Variants in SCN10A observed in about 807,000 individuals in gnomAD.
The protein encoded by SCN10A is sodium channel protein type 10 subunit alpha.
Under a neutral mutation model 170.7 loss-of-function variants are expected in SCN10A, and 162 were observed. The ratio of observed to expected loss-of-function variants is 0.95; its 90% confidence interval spans 0.84 to 1.08. The LOEUF (loss-of-function observed/expected upper bound fraction) is 1.08, where lower values mean the gene tolerates loss of function less well. Ranked by LOEUF, SCN10A falls within the 50% of genes least tolerant of loss-of-function variation. The pLI is 0.00. For missense variants in SCN10A, 2,527 were observed against 2,436.9 expected (o/e 1.04, Z -0.78); for synonymous variants, 985 against 904.6 (o/e 1.09, Z -1.59).
chr3:38,777,362 G>A (rs575598081), intron 4 of SCN10A, among the ~76,000 whole-genome samples: 1 of 151,980 alleles, frequency 6.6e-6, no homozygotes, highest in African/African-American at 2.4e-5. Context: ...AGACAGTTTA[G>A]CAATAATAAG....
intron 8 of SCN10A, 71 bp downstream of exon 8, chr3:38,760,610 A>T: frequency 8.1e-7 from 1 of 1,235,750 alleles, no homozygotes; most frequent in Non-Finnish European, 1.2e-6. Flanking sequence ...ATCTGTGCCC[A>T]TAATATGCCA....
At chr3:38,773,038 A>T (rs1221094272) in intron 4 of SCN10A, among the ~76,000 whole-genome samples, 3 of 152,236 alleles carry the variant, frequency 2.0e-5, no homozygotes, top group Non-Finnish European at 4.4e-5. Flanking sequence ...GAAAGAAATT[A>T]GAAGACAATG....
At chr3:38,748,128 T>C (rs1180550156) in intron 13 of SCN10A, among the ~76,000 whole-genome samples, 1 of 152,184 alleles carries the variant, frequency 6.6e-6, no homozygotes, top group African/African-American at 2.4e-5. Flanking sequence ...ACTGTTTGTA[T>C]TCAATGTTTG....
chr3:38,752,232 G>C lies in SCN10A; in HGVS notation c.1742C>G (p.Ala581Gly). The C allele has an allele frequency of 6.5e-7, 1 of 1,527,786 alleles. No individual in the cohort carries two copies. Among genetic ancestry groups the C allele is most frequent in the Non-Finnish European group, 8.8e-7 (1 of 1,136,980 alleles). The allele number at this position is 1,527,786 out of a possible 1,614,324, so 94.6% of individuals were successfully genotyped here. A position where few individuals can be genotyped will look rare whatever the true frequency, so the allele number is the denominator to read the frequency against. Residue 581 changes from alanine to glycine, a missense_variant, in exon 12 of 28, where the codon GCT becomes GGT. Ala to Gly is a moderately conservative substitution (Grantham distance 60). Coordinates refer to ENST00000449082, the MANE Select transcript of SCN10A (RefSeq NM_006514.4). Reference protein sequence around the residue: ...PPPTSELAPGAVDVSAFDAGQ... With the variant: ...PPPTSELAPGGVDVSAFDAGQ... ...TCACAAACTCACCGAGACATCGACAGCTCCAGGGGCAAGCTCACTAGTGGG... is the reference window on the plus strand; with the variant it reads ...TCACAAACTCACCGAGACATCGACACCTCCAGGGGCAAGCTCACTAGTGGG...
chr3:38,741,999 C>A (rs1327751154), intron 14 of SCN10A, among the ~76,000 whole-genome samples: 1 of 152,164 alleles, frequency 6.6e-6, no homozygotes, highest in East Asian at 1.9e-4. Context: ...AAGTGGTTGT[C>A]CTATGTTTTG....
At chr3:38,806,964 A>T (rs2064408503) in intron 1 of SCN10A, among the ~76,000 whole-genome samples, 1 of 152,138 alleles carries the variant, frequency 6.6e-6, no homozygotes, top group Admixed American at 6.5e-5. Flanking sequence ...TTCTATCTTG[A>T]CAAGAAGCCG....
chr3:38,756,641 A>G, intron 10 of SCN10A, 33 bp downstream of exon 10: 1 of 1,577,332 alleles, frequency 6.3e-7, no homozygotes, highest in East Asian at 2.2e-5. Context: ...ACAGTCTGCA[A>G]CCTTCTTCAC....
chr3:38,746,049 ATG>A (rs1339290919), intron 13 of SCN10A, among the ~76,000 whole-genome samples: 1 of 88,204 alleles, frequency 1.1e-5, no homozygotes, highest in Non-Finnish European at 2.2e-5. Flanking sequence ...ACATATATAT[ATG>A]TGTGTGTATG....
chr3:38,805,933 C>T (rs1260967189), intron 1 of SCN10A, among the ~76,000 whole-genome samples: 1 of 152,052 alleles, frequency 6.6e-6, no homozygotes, highest in East Asian at 1.9e-4. Context: ...ATTTACAGGG[C>T]GGACGAAAGT....
chr3:38,763,393 T>C (rs2063897309), intron 6 of SCN10A, 112 bp downstream of exon 6: 2 of 834,026 alleles, frequency 2.4e-6, no homozygotes, highest in Non-Finnish European at 4.1e-6. Flanking sequence ...TTCCTTTGTC[T>C]TGTAAGTGGG....
intron 1 of SCN10A, among the ~76,000 whole-genome samples, chr3:38,797,228 G>A (rs932149844): frequency 6.6e-6 from 1 of 152,042 alleles, no homozygotes; most frequent in Non-Finnish European, 1.5e-5. Context: ...ATACCTCTGT[G>A]ATATAGACAC....
At chr3:38,710,153 TTTTTC>T (rs1326922445) in intron 24 of SCN10A, among the ~76,000 whole-genome samples, 1 of 151,828 alleles carries the variant, frequency 6.6e-6, no homozygotes, top group African/African-American at 2.4e-5. Context: ...CCAGCCTGGC[TTTTTC>T]TTTTCTTTTC....
intron 1 of SCN10A, among the ~76,000 whole-genome samples, chr3:38,803,708 T>C (rs2064388269): frequency 6.7e-6 from 1 of 150,262 alleles, no homozygotes; most frequent in Admixed American, 6.6e-5. Context: ...AAATGACGAG[T>C]TAATGGGTGC....
chr3:38,764,155 CT>C (rs993184041), intron 5 of SCN10A, among the ~76,000 whole-genome samples: 3 of 152,298 alleles, frequency 2.0e-5, no homozygotes, highest in African/African-American at 7.2e-5. Context: ...CCATGCAAAT[CT>C]TTTTATTTTA....
chr3:38,811,649 A>T (rs1305924032), intron 1 of SCN10A, among the ~76,000 whole-genome samples: 2 of 152,176 alleles, frequency 1.3e-5, no homozygotes, highest in African/African-American at 4.8e-5. Context: ...CAAAACATAC[A>T]GTCTTCCTAA....
At chr3:38,733,297 T>C (rs529890639) in intron 15 of SCN10A, among the ~76,000 whole-genome samples, 46 of 152,340 alleles carry the variant, frequency 3.0e-4, no homozygotes, top group Non-Finnish European at 5.6e-4. Flanking sequence ...AGTCACTTCT[T>C]GGAGTCCCAC....
At chr3:38,805,843 A>C (rs1307900357) in intron 1 of SCN10A, among the ~76,000 whole-genome samples, 1 of 152,194 alleles carries the variant, frequency 6.6e-6, no homozygotes, top group Non-Finnish European at 1.5e-5. Context: ...GGTTAGGGAA[A>C]TCCTTGCTTA....
chr3:38,739,439 G>T, intron 15 of SCN10A, 76 bp downstream of exon 15: 1 of 1,354,352 alleles, frequency 7.4e-7, no homozygotes, highest in Non-Finnish European at 1.0e-6. Flanking sequence ...GAGCTGGCTG[G>T]TGCAGTCCCC....
intron 25 of SCN10A, 61 bp downstream of exon 25, chr3:38,709,417 G>T (rs930234348): frequency 1.2e-5 from 19 of 1,530,064 alleles, no homozygotes; most frequent in Non-Finnish European, 1.7e-5. Flanking sequence ...GCTGGGCAGG[G>T]AACAGGAAAT....
Sources: allele counts gnomAD v4.1 joint callset (sites outside exome capture counted in the v4.1 genomes callset), GRCh38; gene constraint gnomAD v4.1.1; transcripts MANE v1.5; gene names NCBI Gene and HGNC (gene_info 2026-07-23, HGNC 2026-07-21).